The following RPP30 variants were observed in gnomAD, a reference collection of about 807,000 sequenced individuals.
The protein encoded by RPP30 is ribonuclease P/MRP subunit p30, also known as ribonuclease P protein subunit p30.
Under a neutral mutation model 38.6 loss-of-function variants are expected in RPP30, and 36 were observed. The ratio of observed to expected loss-of-function variants is 0.93; its 90% CI spans 0.71 to 1.23. RPP30 has a LOEUF of 1.23. Among genes scored for constraint, RPP30 ranks in the 50% most tolerant of loss-of-function variants. RPP30 has a pLI of 0.00. For missense variants in RPP30, 321 were observed against 321.7 expected, an observed-to-expected ratio of 1.00 and a Z score of 0.02; for synonymous variants, 126 against 112.7, an observed-to-expected ratio of 1.12 and a Z score of -0.75.
chr10:90,872,618 G>A (rs1846796147), intron 1 of RPP30, among the ~76,000 whole-genome samples: 1 of 152,164 alleles, frequency 6.6e-6, no homozygotes, highest in Non-Finnish European at 1.5e-5. Context: ...GGAAGCGAAA[G>A]CCTTGAGAGA....
At chr10:90,873,812 AT>A (rs530806217) in intron 1 of RPP30, among the ~76,000 whole-genome samples, 3 of 149,870 alleles carry the variant, frequency 2.0e-5, no homozygotes, top group Non-Finnish European at 1.5e-5. Flanking sequence ...CATACTTGTG[AT>A]TTTTTTTTTG....
At chr10:90,897,051 G>A (rs1182775311) in intron 10 of RPP30, among the ~76,000 whole-genome samples, 2 of 151,942 alleles carry the variant, frequency 1.3e-5, no homozygotes, top group African/African-American at 2.4e-5. Flanking sequence ...CACCATGCCC[G>A]GCCAGACTGT....
chr10:90,904,832 A>G (rs551946071), downstream of RPP30, among the ~76,000 whole-genome samples: 6 of 152,302 alleles, frequency 3.9e-5, 1 homozygote, highest in Admixed American at 3.3e-4. Flanking sequence ...AGTACCAACT[A>G]TTTTATTATT....
intron 4 of RPP30, among the ~76,000 whole-genome samples, chr10:90,878,559 G>A (rs543782793): frequency 6.9e-4 from 105 of 151,464 alleles, no homozygotes; most frequent in African/African-American, 2.5e-3. Context: ...TGGCATGAAC[G>A]CGGCTCACTG....
chr10:90,879,719 A>G (rs560868604), intron 5 of RPP30, among the ~76,000 whole-genome samples: 1 of 152,190 alleles, frequency 6.6e-6, no homozygotes, highest in East Asian at 1.9e-4. Context: ...TTGCCATTTC[A>G]TTGCCTTTGC....
At position 90,901,140 on chromosome 10, in the gene RPP30, A is replaced by ATT. The variant is rs59418716; in HGVS notation, c.*482_*483dup. The ATT allele has an allele frequency of 4.1e-4, 49 of 120,102 alleles. No homozygotes were observed. The highest frequency in any genetic ancestry group is 4.8e-3 in the Middle Eastern group (1 of 208). The allele number at this position is 120,102 out of a possible 1,614,324, so 7.4% of individuals were successfully genotyped here. The stretch of plus-strand genomic sequence containing the variant: ...CAGGTGTGCACTACCACACCTGGCT[A>ATT]TTTTTTTTTTTTTTTTTTTTTTCCC... On this transcript the variant is annotated 3_prime_UTR_variant, in exon 11 of 11. Coordinates refer to ENST00000371703, the MANE Select transcript of RPP30 (RefSeq NM_006413.5).
chr10:90,881,692 G>A (rs1846929720), intron 5 of RPP30, among the ~76,000 whole-genome samples: 1 of 152,022 alleles, frequency 6.6e-6, no homozygotes, highest in African/African-American at 2.4e-5. Context: ...GCTTTTATAG[G>A]TATATCATGG....
At chr10:90,902,837 C>T (rs897980925), downstream of RPP30, among the ~76,000 whole-genome samples, 4 of 152,206 alleles carry the variant, frequency 2.6e-5, no homozygotes, top group Non-Finnish European at 4.4e-5. Context: ...GCTGGTGCTG[C>T]TGAGGCCACA....
At chr10:90,884,420 T>C (rs1388337485) in intron 5 of RPP30, among the ~76,000 whole-genome samples, 2 of 152,222 alleles carry the variant, frequency 1.3e-5, no homozygotes, top group African/African-American at 4.8e-5. Flanking sequence ...TACCAAACTT[T>C]TTTATCTTTG....
intron 4 of RPP30, among the ~76,000 whole-genome samples, chr10:90,877,476 T>A (rs918736566): frequency 9.2e-5 from 14 of 152,014 alleles, no homozygotes; most frequent in African/African-American, 3.4e-4. Flanking sequence ...CTTCACTATT[T>A]AATGGTATGA....
intron 6 of RPP30, among the ~76,000 whole-genome samples, chr10:90,894,263 A>G (rs1036470240): frequency 2.6e-5 from 4 of 152,254 alleles, no homozygotes; most frequent in Non-Finnish European, 5.9e-5. Context: ...TCAATTAACT[A>G]TGGCTGTTAT....
chr10:90,895,214 T>G, intron 7 of RPP30: 2 of 496,548 alleles, frequency 4.0e-6, no homozygotes, highest in Non-Finnish European at 7.0e-6. Context: ...TCTTGTTTTT[T>G]AAACTTAATT....
At chr10:90,898,229 A>G (rs60521989) in intron 10 of RPP30, among the ~76,000 whole-genome samples, 2,109 of 152,268 alleles carry the variant, frequency 0.014, 41 homozygotes, top group African/African-American at 0.039. Context: ...AGCTAAACTT[A>G]AAGAAGACTT....
Position 90,901,974 on chromosome 10 carries a change from T to A in RPP30, c.*1295T>A. 2.7e-6 allele frequency: 1 copy of A among 375,380 alleles called. No homozygotes were observed. Among genetic ancestry groups the A allele is most frequent in the Non-Finnish European group, 3.7e-6 (1 of 272,986 alleles). 23.3% of individuals were successfully genotyped at this position (375,380 alleles called of 1,614,324 possible). A position where few individuals can be genotyped will look rare whatever the true frequency, so the allele number is the denominator to read the frequency against. Reference sequence around the variant, plus strand: ...GCTGGGACTACAGGCGCTCGCCATGTATTTAGCAGAGACGGGGTTTCACCG... The same window carrying A: ...GCTGGGACTACAGGCGCTCGCCATGAATTTAGCAGAGACGGGGTTTCACCG... On this transcript the variant is annotated 3_prime_UTR_variant, in exon 11 of 11. Coordinates refer to ENST00000371703, the MANE Select transcript of RPP30 (RefSeq NM_006413.5).
At chr10:90,873,482 T>C (rs188006466) in intron 1 of RPP30, among the ~76,000 whole-genome samples, 77 of 152,348 alleles carry the variant, frequency 5.1e-4, no homozygotes, top group African/African-American at 1.8e-3. Flanking sequence ...GTTCTCAGTT[T>C]CTGATGTGAT....
chr10:90,895,923 C>G lies in RPP30; in HGVS notation c.617+6C>G. On this transcript the variant is annotated splice_donor_region_variant and intron_variant, in intron 9 of 10. Coordinates refer to ENST00000371703, the MANE Select transcript of RPP30 (RefSeq NM_006413.5). The stretch of plus-strand genomic sequence containing the variant: ...CCATATGACGTGGCAAATCTGTATC[C>G]TTTTCTGAGTAAAAAGTTGTTGACA... 6.3e-7 allele frequency: 1 copy of G among 1,596,196 alleles called. No homozygotes were observed. Among genetic ancestry groups the G allele is most frequent in the Non-Finnish European group, 8.5e-7 (1 of 1,170,722 alleles).
intron 9 of RPP30, 151 bp downstream of exon 9, chr10:90,896,068 A>G: frequency 1.5e-6 from 1 of 675,522 alleles, no homozygotes. Flanking sequence ...AACATTATAG[A>G]GAGCTTTATG....
chr10:90,885,785 C>A, intron 5 of RPP30, 27 bp from the exon 6 acceptor site: 4 of 1,512,774 alleles, frequency 2.6e-6, no homozygotes, highest in Non-Finnish European at 3.7e-6. Context: ...TTCCTTTTGG[C>A]CTTACCTATT....
At position 90,901,140 on chromosome 10, in the gene RPP30, A is replaced by ATTT. The variant is rs59418716; in HGVS notation, c.*481_*483dup. On this transcript the variant is annotated 3_prime_UTR_variant, in exon 11 of 11. Coordinates refer to ENST00000371703, the MANE Select transcript of RPP30 (RefSeq NM_006413.5). ...CAGGTGTGCACTACCACACCTGGCT[A>ATTT]TTTTTTTTTTTTTTTTTTTTTTCCC... 9 of 120,154 alleles carry ATTT rather than the reference A, an allele frequency of 7.5e-5. No homozygotes were observed. The highest frequency in any genetic ancestry group is 1.1e-4 in the African/African-American group (3 of 27,596). 7.4% of individuals were successfully genotyped at this position (120,154 alleles called of 1,614,324 possible).
Sources: allele counts gnomAD v4.1 joint callset (sites outside exome capture counted in the v4.1 genomes callset), GRCh38; gene constraint gnomAD v4.1.1; transcripts MANE v1.5; gene names NCBI Gene and HGNC (gene_info 2026-07-23, HGNC 2026-07-21).